RBM47: variants seen among roughly 807,000 people sequenced by gnomAD.
The protein encoded by RBM47 is RNA binding motif protein 47, also known as RNA-binding protein 47.
RBM47 carries 21 observed loss-of-function variants against 47.1 expected under a neutral mutation model. That is an observed-to-expected ratio of 0.45 (90% confidence interval 0.32 to 0.64). RBM47 has a LOEUF of 0.64. RBM47 is among the 30% of genes least tolerant of loss of function. The pLI is 0.05. For missense variants in RBM47, 708 were observed against 870.9 expected, an observed-to-expected ratio of 0.81 and a Z score of 2.35; for synonymous variants, 375 against 361.7, an observed-to-expected ratio of 1.04 and a Z score of -0.42.
intron 2 of RBM47, among the ~76,000 whole-genome samples, chr4:40,517,923 T>C (rs867264213): frequency 1.3e-5 from 2 of 152,148 alleles, no homozygotes; most frequent in Non-Finnish European, 2.9e-5. Flanking sequence ...CCATTTTATA[T>C]AGAGGACTCG....
At chr4:40,516,264 T>C (rs898205617) in intron 2 of RBM47, among the ~76,000 whole-genome samples, 23 of 146,492 alleles carry the variant, frequency 1.6e-4, no homozygotes, top group African/African-American at 4.7e-4. Flanking sequence ...TTTCTTTCTT[T>C]TTTTTTTTTT....
chr4:40,602,213 C>A (rs1489919417), intron 1 of RBM47, among the ~76,000 whole-genome samples: 1 of 151,810 alleles, frequency 6.6e-6, no homozygotes, highest in Non-Finnish European at 1.5e-5. Flanking sequence ...CTTCACTGTA[C>A]CTTCCATTTT....
At chr4:40,612,568 A>G (rs1056278776) in intron 1 of RBM47, among the ~76,000 whole-genome samples, 12 of 152,216 alleles carry the variant, frequency 7.9e-5, no homozygotes, top group Non-Finnish European at 1.5e-4. Context: ...TTTGTCTAAA[A>G]TATATTCTCT....
Position 40,438,829 on chromosome 4 carries a change from A to G in RBM47, c.65T>C (p.Val22Ala), listed in dbSNP as rs763928721. The G allele has an allele frequency of 1.3e-6, 2 of 1,557,604 alleles. No individual in the cohort carries two copies. The highest frequency in any genetic ancestry group is 4.6e-5 in the East Asian group (2 of 43,018). ...GGGCGCGCCCGCCACGCCCTCGGGC[A>G]CCTTGGCGGAGGACCCGGCGGCCGA... ...SDSAAGSSAKVPEGVAGAPNE... is the reference protein window; with the variant it reads ...SDSAAGSSAKAPEGVAGAPNE... Residue 22 changes from valine to alanine, a missense_variant, in exon 4 of 7, where the codon GTG (valine) becomes GCG (alanine). Coordinates refer to ENST00000295971, the MANE Select transcript of RBM47 (RefSeq NM_001098634.2).
At chr4:40,515,687 G>A (rs1725485617) in intron 2 of RBM47, among the ~76,000 whole-genome samples, 1 of 152,130 alleles carries the variant, frequency 6.6e-6, no homozygotes, top group African/African-American at 2.4e-5. Flanking sequence ...TGACCTTGAG[G>A]GAGTAACTTA....
chr4:40,443,717 CAAAAAAAAAAAAAAAAAAAAA>C (rs10581870), intron 3 of RBM47, among the ~76,000 whole-genome samples: 3 of 47,718 alleles, frequency 6.3e-5, no homozygotes, highest in Non-Finnish European at 7.4e-5. Context: ...AACTCCTTCT[CAAAAAAAAAAAAAAAAAAAAA>C]AAAAAAAAAA....
At chr4:40,604,497 C>T (rs1040948647) in intron 1 of RBM47, among the ~76,000 whole-genome samples, 14 of 152,206 alleles carry the variant, frequency 9.2e-5, no homozygotes, top group African/African-American at 3.4e-4. Flanking sequence ...CATGGTGGTA[C>T]CTGCCTGTAG....
intron 2 of RBM47, among the ~76,000 whole-genome samples, chr4:40,501,074 C>A (rs1723294030): frequency 6.6e-6 from 1 of 151,468 alleles, no homozygotes; most frequent in South Asian, 2.1e-4. Context: ...CAATATAAAA[C>A]AAGCGATCCC....
intron 1 of RBM47, among the ~76,000 whole-genome samples, chr4:40,620,027 T>A (rs992058147): frequency 2.4e-4 from 37 of 151,624 alleles, no homozygotes; most frequent in African/African-American, 8.5e-4. Context: ...TGAAACCCTG[T>A]CTCTACCAAA....
intron 1 of RBM47, among the ~76,000 whole-genome samples, chr4:40,608,355 G>A (rs1005659790): frequency 5.3e-5 from 8 of 152,260 alleles, no homozygotes; most frequent in East Asian, 3.9e-4. Flanking sequence ...GAACTCAGCA[G>A]AGCGACCAAT....
rs530739407 is a variant in RBM47, at chr4:40,610,118, C to CA, written c.-240+19277dup. On this transcript the variant is annotated intron_variant, in intron 1 of 6. Coordinates refer to ENST00000295971, the MANE Select transcript of RBM47 (RefSeq NM_001098634.2). ...AAATAAAAACAAACAAACAAACAAA[C>CA]AAAAAAACCTCATTTAAGAATCATC... Among the ~76,000 whole-genome samples, 12 of 151,636 alleles carry CA rather than the reference C, an allele frequency of 7.9e-5. No homozygotes were observed. The East Asian group carries it at 2.1e-3, about 27-fold the overall frequency.
At chr4:40,537,402 A>G (rs1189991709) in intron 2 of RBM47, among the ~76,000 whole-genome samples, 1 of 151,826 alleles carries the variant, frequency 6.6e-6, no homozygotes, top group Non-Finnish European at 1.5e-5. Context: ...AGCTGGGACT[A>G]CAGGTGCAAG....
At chr4:40,552,354 C>T (rs1364327973) in intron 1 of RBM47, among the ~76,000 whole-genome samples, 8 of 151,846 alleles carry the variant, frequency 5.3e-5, no homozygotes, top group South Asian at 2.1e-4. Flanking sequence ...GCTGAGATCC[C>T]GCCACTGTAC....
chr4:40,569,914 G>A lies in RBM47; in HGVS notation c.-239-25408C>T, dbSNP rs185170504. Among the ~76,000 whole-genome samples the A allele has an allele frequency of 9.9e-5, 15 of 151,448 alleles. 1 individual carries two copies. The highest frequency in any genetic ancestry group is 3.4e-4 in the African/African-American group (14 of 41,266). The stretch of plus-strand genomic sequence containing the variant: ...TTTAGTAGAGATAGGGTTTCACCAT[G>A]TTGGCCAGGCTGGTCTCGAACTCCT... On this transcript the variant is annotated intron_variant, in intron 1 of 6. Coordinates refer to ENST00000295971, the MANE Select transcript of RBM47 (RefSeq NM_001098634.2).
At chr4:40,527,873 C>T (rs932763105) in intron 2 of RBM47, among the ~76,000 whole-genome samples, 3 of 151,928 alleles carry the variant, frequency 2.0e-5, no homozygotes, top group African/African-American at 7.3e-5. Flanking sequence ...AACTGTTTAC[C>T]CTTGAGGAAA....
In RBM47 at chr4:40,624,860, CTTTTTTTTTTTT is replaced by C. The variant is rs1172791380; in HGVS notation, c.-240+4524_-240+4535del. On this transcript the variant is annotated intron_variant, in intron 1 of 6. Coordinates refer to ENST00000295971, the MANE Select transcript of RBM47 (RefSeq NM_001098634.2). The stretch of plus-strand genomic sequence containing the variant: ...TTAAGCCATCTTTTCTTTTCTTTTT[CTTTTTTTTTTTT>C]TTTTTTTTTGTTGTTGTTGCCCAGG... Among the ~76,000 whole-genome samples the C allele has an allele frequency of 2.1e-4, 25 of 119,610 alleles. No homozygotes were observed. In the South Asian group the frequency reaches 6.7e-3, roughly 32 times the overall value. 78.5% of individuals were successfully genotyped at this position (119,610 alleles called of 152,430 possible). A position where few individuals can be genotyped will look rare whatever the true frequency, so the allele number is the denominator to read the frequency against.
rs542077856 is a variant in RBM47, at chr4:40,508,396, T to C, written c.-155+36026A>G. On this transcript the variant is annotated intron_variant, in intron 2 of 6. Coordinates refer to ENST00000295971, the MANE Select transcript of RBM47 (RefSeq NM_001098634.2). ...ATAATATTTCCATCCCACCTTAAGA[T>C]ATCACTTAACTTTAAAGAGCTGGCA... Among the ~76,000 whole-genome samples the C allele has an allele frequency of 3.9e-5, 6 of 152,348 alleles. No individual in the cohort carries two copies. In the South Asian group the frequency reaches 6.2e-4, roughly 16 times the overall value.
chr4:40,620,484 G>A (rs539180251), intron 1 of RBM47, among the ~76,000 whole-genome samples: 22 of 152,050 alleles, frequency 1.4e-4, no homozygotes, highest in Non-Finnish European at 3.1e-4. Flanking sequence ...CAGCCTGGGC[G>A]ATAACAGCAA....
chr4:40,575,589 A>T (rs1304090291), intron 1 of RBM47, among the ~76,000 whole-genome samples: 2 of 150,282 alleles, frequency 1.3e-5, no homozygotes, highest in African/African-American at 4.9e-5. Context: ...ATAGCTACCT[A>T]TAAAGAAGTC....
Sources: allele counts gnomAD v4.1 joint callset (sites outside exome capture counted in the v4.1 genomes callset), GRCh38; gene constraint gnomAD v4.1.1; transcripts MANE v1.5; gene names NCBI Gene and HGNC (gene_info 2026-07-23, HGNC 2026-07-21).